The following NRCAM variants were observed in gnomAD, a reference collection of about 807,000 sequenced individuals.
NRCAM encodes the protein NgCAM-related cell adhesion molecule.
NRCAM carries 83 observed loss-of-function variants against 156.5 expected under a neutral mutation model. That is an observed-to-expected ratio of 0.53 (90% CI 0.44 to 0.64). The LOEUF (loss-of-function observed/expected upper bound fraction) is 0.64, where lower values mean the gene tolerates loss of function less well. Ranked by LOEUF, NRCAM falls within the 30% of genes least tolerant of loss-of-function variation. The pLI is 0.00. For synonymous variants in NRCAM, 538 were observed against 563.9 expected, an observed-to-expected ratio of 0.95 and a Z score of 0.65; for missense variants, 1,417 against 1,597.3, an observed-to-expected ratio of 0.89 and a Z score of 1.92.
At chr7:108,443,513 A>G (rs898836952) in intron 1 of NRCAM, among the ~76,000 whole-genome samples, 3 of 152,226 alleles carry the variant, frequency 2.0e-5, no homozygotes, top group Non-Finnish European at 4.4e-5. Context: ...AAGTTGTCTA[A>G]GAGATAGCTC....
chr7:108,402,851 T>C (rs139313345), intron 1 of NRCAM, among the ~76,000 whole-genome samples: 19 of 152,240 alleles, frequency 1.2e-4, no homozygotes, highest in Admixed American at 2.6e-4. Flanking sequence ...ACAAAGACAA[T>C]AGTAAGACAA....
intron 2 of NRCAM, among the ~76,000 whole-genome samples, chr7:108,398,096 G>C (rs931138548): frequency 2.0e-5 from 3 of 152,224 alleles, no homozygotes; most frequent in Middle Eastern, 3.4e-3. Context: ...TTCTAGTTCT[G>C]AATCTTCCCC....
At chr7:108,187,023 TA>T (rs2067265665) in intron 20 of NRCAM, among the ~76,000 whole-genome samples, 1 of 144,454 alleles carries the variant, frequency 6.9e-6, no homozygotes, top group Non-Finnish European at 1.5e-5. Context: ...ATTTAAAAGT[TA>T]AAACTTTAAA....
In NRCAM at chr7:108,149,499, G is replaced by A. The variant is rs567198222; in HGVS notation, c.*411C>T. 5.6e-4 allele frequency: 96 copies of A among 171,498 alleles called. No individual in the cohort carries two copies. Among genetic ancestry groups the A allele is most frequent in the East Asian group, 2.2e-3 (13 of 5,902 alleles). The allele number at this position is 171,498 out of a possible 1,614,324, so 10.6% of individuals were successfully genotyped here. ...CAGTAACATTCTTGACAATGAAAAC[G>A]GAATTCATATATAGGGGTTCAGCTG... On this transcript the variant is annotated 3_prime_UTR_variant, in exon 33 of 33. Coordinates refer to ENST00000379028, the MANE Select transcript of NRCAM (RefSeq NM_001037132.4).
intron 13 of NRCAM, among the ~76,000 whole-genome samples, chr7:108,206,968 G>T (rs1158036846): frequency 6.6e-6 from 1 of 152,150 alleles, no homozygotes; most frequent in Non-Finnish European, 1.5e-5. Context: ...ACTAGTCAAA[G>T]GTAAAGCATC....
chr7:108,400,659 T>C (rs1349225446), intron 1 of NRCAM, among the ~76,000 whole-genome samples: 3 of 152,216 alleles, frequency 2.0e-5, no homozygotes, highest in Non-Finnish European at 4.4e-5. Flanking sequence ...TTAAAATAGA[T>C]AAAATTTAAA....
intron 2 of NRCAM, among the ~76,000 whole-genome samples, chr7:108,375,660 A>T (rs2099672105): frequency 6.6e-6 from 1 of 152,226 alleles, no homozygotes; most frequent in Non-Finnish European, 1.5e-5. Context: ...GCTATAGCTC[A>T]TCTTGGGTTC....
rs142097677 is a variant in NRCAM, at chr7:108,428,403, C to T, written c.-332+27840G>A. 3.4e-3 allele frequency among the ~76,000 whole-genome samples: 525 copies of T among 152,274 alleles called. 4 individuals are homozygous for T. The highest frequency in any genetic ancestry group is 0.012 in the African/African-American group (502 of 41,556). On this transcript the variant is annotated intron_variant, in intron 1 of 32. Transcript: ENST00000379028. ...CTTCCATGATACATATTTTAACATT[C>T]TAATGAAGAGGAAAAGCATGGAGAC...
intron 1 of NRCAM, among the ~76,000 whole-genome samples, chr7:108,402,396 C>A (rs921271944): frequency 2.0e-5 from 3 of 152,170 alleles, no homozygotes; most frequent in African/African-American, 7.2e-5. Context: ...GTTTCTGACA[C>A]CTTAGGCATA....
chr7:108,179,574 C>G (rs1440101838), intron 25 of NRCAM, among the ~76,000 whole-genome samples: 1 of 152,170 alleles, frequency 6.6e-6, no homozygotes, highest in Non-Finnish European at 1.5e-5. Context: ...CTTTCCCTCA[C>G]CCACAAGGCT....
chr7:108,433,915 C>A (rs1204121699), intron 1 of NRCAM, among the ~76,000 whole-genome samples: 1 of 152,234 alleles, frequency 6.6e-6, no homozygotes, highest in Non-Finnish European at 1.5e-5. Context: ...TAGGCCCATC[C>A]ATTCTGACGA....
At chr7:108,438,423 A>T (rs747294972) in intron 1 of NRCAM, among the ~76,000 whole-genome samples, 1 of 152,196 alleles carries the variant, frequency 6.6e-6, no homozygotes, top group Non-Finnish European at 1.5e-5. Context: ...TATAGTTTTA[A>T]AAGATGCAGA....
intron 3 of NRCAM, among the ~76,000 whole-genome samples, chr7:108,287,664 C>T (rs1354339251): frequency 6.6e-6 from 1 of 151,490 alleles, no homozygotes; most frequent in Non-Finnish European, 1.5e-5. Context: ...ACATGAGATA[C>T]CATCTAACAC....
chr7:108,326,313 T>C (rs543108817), intron 2 of NRCAM, among the ~76,000 whole-genome samples: 2 of 152,310 alleles, frequency 1.3e-5, no homozygotes, highest in South Asian at 2.1e-4. Context: ...TTCCCACTTA[T>C]GAAGACATTT....
intron 3 of NRCAM, among the ~76,000 whole-genome samples, chr7:108,288,294 C>T (rs2098173107): frequency 6.6e-6 from 1 of 151,982 alleles, no homozygotes; most frequent in Non-Finnish European, 1.5e-5. Flanking sequence ...GTACGATGTT[C>T]ACTATTGGGG....
chr7:108,191,328 T>A (rs1416219106), intron 18 of NRCAM, 45 bp from the exon 19 acceptor site: 1 of 1,414,758 alleles, frequency 7.1e-7, no homozygotes, highest in South Asian at 1.2e-5. Flanking sequence ...AAATTAGTAA[T>A]GGAAAGATAC....
chr7:108,274,676 C>G (rs2097525755), intron 3 of NRCAM, among the ~76,000 whole-genome samples: 1 of 152,206 alleles, frequency 6.6e-6, no homozygotes, highest in South Asian at 2.1e-4. Flanking sequence ...ACAGTCACGT[C>G]ATCTGCAAAC....
At chr7:108,166,028 T>C (rs2053882767) in intron 30 of NRCAM, among the ~76,000 whole-genome samples, 1 of 152,182 alleles carries the variant, frequency 6.6e-6, no homozygotes, top group African/African-American at 2.4e-5. Flanking sequence ...TTCTTTATTT[T>C]AGAAACTTCA....
At chr7:108,255,822 C>T (rs1466375984) in intron 3 of NRCAM, among the ~76,000 whole-genome samples, 1 of 151,632 alleles carries the variant, frequency 6.6e-6, no homozygotes, top group South Asian at 2.1e-4. Flanking sequence ...CGGGCTGCCC[C>T]CTCTGAGAAG....
Sources: allele counts gnomAD v4.1 joint callset (sites outside exome capture counted in the v4.1 genomes callset), GRCh38; gene constraint gnomAD v4.1.1; transcripts MANE v1.5; gene names NCBI Gene and HGNC (gene_info 2026-07-23, HGNC 2026-07-21).